Variants in ZNF207 observed in about 807,000 individuals in gnomAD.
ZNF207 encodes the protein BUB3-interacting and GLEBS motif-containing protein ZNF207.
In ZNF207, 24 loss-of-function variants were observed where a neutral mutation model predicts 60.2. The ratio of observed to expected loss-of-function variants is 0.40; its 90% CI spans 0.29 to 0.56. The LOEUF is 0.56. Among genes scored for constraint, ZNF207 ranks in the 20% least tolerant of loss-of-function variants. The pLI, the probability that ZNF207 is intolerant of heterozygous loss-of-function variation, is 0.49. For synonymous variants in ZNF207, 236 were observed against 194.7 expected (o/e 1.21, Z -1.77); for missense variants, 452 against 636.6 (o/e 0.71, Z 3.12).
rs1431664312 is a variant in ZNF207 at position 32,357,338 on chromosome 17, TATTATTA to T, written c.169-1164_169-1158del. On this transcript the variant is annotated intron_variant, in intron 2 of 11. Transcript: ENST00000394670. ...TTATTATTATTATTATTATTATTAT[TATTATTA>T]TTATTATTTTTTTTTTTTTTTGAGA... Among the ~76,000 whole-genome samples the T allele has an allele frequency of 8.9e-4, 84 of 94,678 alleles. 1 individual carries two copies. The highest frequency in any genetic ancestry group is 2.6e-3 in the African/African-American group (64 of 24,212). The allele number at this position is 94,678 out of a possible 152,430, so 62.1% of individuals were successfully genotyped here.
rs1010437181 is a variant in ZNF207, at chr17:32,373,392, C to T, written c.*3633C>T. 16 of 688,454 alleles carry T rather than the reference C, an allele frequency of 2.3e-5. No homozygotes were observed. The highest frequency in any genetic ancestry group is 2.1e-4 in the African/African-American group (12 of 56,380). The allele number at this position is 688,454 out of a possible 1,614,324, so 42.6% of individuals were successfully genotyped here. On this transcript the variant is annotated 3_prime_UTR_variant, in exon 12 of 12. Transcript: ENST00000394670. ...TTTCTAAAATTAAAATTTTCTTCTT[C>T]CTATAGCCCTGCCATAGGACAGGCT...
At position 32,359,675 on chromosome 17, in the gene ZNF207, G is replaced by A. The variant is rs1254917368; in HGVS notation, c.308-923G>A. Among the ~76,000 whole-genome samples the A allele has an allele frequency of 4.6e-5, 7 of 152,258 alleles. No individual in the cohort carries two copies. In the East Asian group the frequency reaches 1.4e-3, roughly 29 times the overall value. ...CCCAGCACTATGGGCAGGCAGTGCA[G>A]GAAAATTGCTTGAGCCCAGAAATTG... On this transcript the variant is annotated intron_variant, in intron 3 of 11. Coordinates refer to ENST00000394670, the MANE Select transcript of ZNF207 (RefSeq NM_001098507.2).
At position 32,372,899 on chromosome 17, in the gene ZNF207, T is replaced by C. The variant is rs1250833462; in HGVS notation, c.*3140T>C. ...AGGCAGGCATTGTGATTGTCATAAT[T>C]AAGGAAGCTGTAAGGTTAGTAGGGC... On this transcript the variant is annotated 3_prime_UTR_variant, in exon 12 of 12. Coordinates refer to ENST00000394670, the MANE Select transcript of ZNF207 (RefSeq NM_001098507.2). 1 of 152,238 alleles carries C rather than the reference T, an allele frequency of 6.6e-6. No homozygotes were observed. The highest frequency in any genetic ancestry group is 1.9e-4 in the East Asian group (1 of 5,204). The allele number at this position is 152,238 out of a possible 1,614,324, so 9.4% of individuals were successfully genotyped here.
At position 32,373,198 on chromosome 17, in the gene ZNF207, CTTAA is replaced by C. The variant is rs3833157; in HGVS notation, c.*3446_*3449del. ...TGAACTTAGACTCACCTTAATTAAA[CTTAA>C]TTAATTGGGGAGGGGGATTCCCCAA... is the stretch of plus-strand genomic sequence containing the variant. On this transcript the variant is annotated 3_prime_UTR_variant, in exon 12 of 12. Transcript: ENST00000394670. The C allele has an allele frequency of 0.14, 63,093 of 438,600 alleles. 5,405 individuals carry two copies. Among genetic ancestry groups the C allele is most frequent in the African/African-American group, 0.28 (14,011 of 50,436 alleles). The allele number at this position is 438,600 out of a possible 1,614,324, so 27.2% of individuals were successfully genotyped here. A position where few individuals can be genotyped will look rare whatever the true frequency, so the allele number is the denominator to read the frequency against.
intron 2 of ZNF207, among the ~76,000 whole-genome samples, chr17:32,357,345 A>ATTTT (rs1232093255): frequency 5.1e-4 from 33 of 64,982 alleles, no homozygotes; most frequent in Non-Finnish European, 6.5e-4. Context: ...TATTATTATT[A>ATTTT]TTATTATTTT....
rs759068099 is a variant in ZNF207 at position 32,369,276 on chromosome 17, C to T, written c.1165-19C>T. On this transcript the variant is annotated intron_variant, in intron 10 of 11. Transcript: ENST00000394670. The stretch of plus-strand genomic sequence containing the variant: ...CTCTGCATTCGAGTATTTAGCCCTG[C>T]GCTTATTTTTATTCCCAGGAAGAGA... The T allele has an allele frequency of 2.2e-5, 36 of 1,612,188 alleles. No homozygotes were observed. The highest frequency in any genetic ancestry group is 3.3e-5 in the Admixed American group (2 of 59,934).
At chr17:32,356,028 A>G (rs1296295776) in intron 2 of ZNF207, among the ~76,000 whole-genome samples, 3 of 152,226 alleles carry the variant, frequency 2.0e-5, no homozygotes, top group Non-Finnish European at 2.9e-5. Context: ...AAACTTAGTA[A>G]CATTATTGTC....
Position 32,357,351 on chromosome 17 carries a change from ATTTTTTTT to A in ZNF207, c.169-1144_169-1137del, listed in dbSNP as rs1164011891. Among the ~76,000 whole-genome samples, 117 of 74,002 alleles carry A rather than the reference ATTTTTTTT, an allele frequency of 1.6e-3. 2 individuals carry two copies. The highest frequency in any genetic ancestry group is 6.1e-3 in the African/African-American group (109 of 17,772). The allele number at this position is 74,002 out of a possible 152,430, so 48.5% of individuals were successfully genotyped here. ...TATTATTATTATTATTATTATTATTATTTTTTTTTTTTTTTGAGACAGAATCTCGCTCT... is the reference window on the plus strand; with the variant it reads ...TATTATTATTATTATTATTATTATTATTTTTTTGAGACAGAATCTCGCTCT... On this transcript the variant is annotated intron_variant, in intron 2 of 11. Transcript: ENST00000394670.
In ZNF207 at chr17:32,380,938, C is replaced by CA. The variant is rs1382412345; in HGVS notation, c.*11180dup. 2.0e-5 allele frequency: 3 copies of CA among 150,588 alleles called. No homozygotes were observed. The highest frequency in any genetic ancestry group is 7.4e-5 in the African/African-American group (3 of 40,784). 9.3% of individuals were successfully genotyped at this position (150,588 alleles called of 1,614,324 possible). ...CGCCGTTGCACTCCAGCTTGGGTGA[C>CA]AGAGCGAGACTCCGTCTCAAAAAAA... On this transcript the variant is annotated 3_prime_UTR_variant, in exon 12 of 12. Coordinates refer to ENST00000394670, the MANE Select transcript of ZNF207 (RefSeq NM_001098507.2).
In ZNF207 at chr17:32,377,049, A is replaced by G. The variant is rs1567832973; in HGVS notation, c.*7290A>G. The G allele has an allele frequency of 2.6e-5, 4 of 152,190 alleles. No individual in the cohort carries two copies. The South Asian group carries it at 8.3e-4, about 32-fold the overall frequency. The allele number at this position is 152,190 out of a possible 1,614,324, so 9.4% of individuals were successfully genotyped here. A position where few individuals can be genotyped will look rare whatever the true frequency, so the allele number is the denominator to read the frequency against. ...TTAAGTCTGAGGAACTAACAGTGAA[A>G]TTCATTGATGGCCAACTTGGATAAA... On this transcript the variant is annotated 3_prime_UTR_variant, in exon 12 of 12. Coordinates refer to ENST00000394670, the MANE Select transcript of ZNF207 (RefSeq NM_001098507.2).
chr17:32,367,253 A>G (rs866992120), intron 9 of ZNF207, among the ~76,000 whole-genome samples: 4 of 91,474 alleles, frequency 4.4e-5, no homozygotes, highest in Admixed American at 1.1e-4. Flanking sequence ...ATATATATAT[A>G]TATATATATA....
Position 32,373,396 on chromosome 17 carries a change from T to G in ZNF207, c.*3637T>G, listed in dbSNP as rs1463116189. ...TAAAATTAAAATTTTCTTCTTCCTA[T>G]AGCCCTGCCATAGGACAGGCTGAGG... On this transcript the variant is annotated 3_prime_UTR_variant, in exon 12 of 12. Transcript: ENST00000394670. The G allele has an allele frequency of 8.7e-6, 6 of 691,696 alleles. No individual in the cohort carries two copies. The highest frequency in any genetic ancestry group is 1.6e-5 in the Non-Finnish European group (6 of 380,176). The allele number at this position is 691,696 out of a possible 1,614,324, so 42.8% of individuals were successfully genotyped here. A position where few individuals can be genotyped will look rare whatever the true frequency, so the allele number is the denominator to read the frequency against.
At chr17:32,351,994 T>A in intron 2 of ZNF207, 82 bp downstream of exon 2, 2 of 1,399,110 alleles carry the variant, frequency 1.4e-6, no homozygotes, top group Non-Finnish European at 1.9e-6. Flanking sequence ...TTTTTTTGAG[T>A]TTCGGTCTTG....
chr17:32,375,209 C>T lies in ZNF207; in HGVS notation c.*5450C>T, dbSNP rs1476615316. 6.6e-6 allele frequency: 1 copy of T among 152,090 alleles called. No homozygotes were observed. Among genetic ancestry groups the T allele is most frequent in the Non-Finnish European group, 1.5e-5 (1 of 67,980 alleles). 9.4% of individuals were successfully genotyped at this position (152,090 alleles called of 1,614,324 possible). A position where few individuals can be genotyped will look rare whatever the true frequency, so the allele number is the denominator to read the frequency against. ...TTAAATAACATGTTTTTCACTATAA[C>T]TAATAGGATTTTAATATTTAAAGAA... On this transcript the variant is annotated 3_prime_UTR_variant, in exon 12 of 12. Coordinates refer to ENST00000394670, the MANE Select transcript of ZNF207 (RefSeq NM_001098507.2).
chr17:32,362,883 T>G, intron 6 of ZNF207, 31 bp from the exon 7 acceptor site: 1 of 1,601,408 alleles, frequency 6.2e-7, no homozygotes, highest in Non-Finnish European at 8.5e-7. Context: ...GTTCATTAAC[T>G]TACTGTTTCT....
chr17:32,363,877 C>CA (rs1454792666), intron 7 of ZNF207, among the ~76,000 whole-genome samples: 1 of 151,932 alleles, frequency 6.6e-6, no homozygotes, highest in Non-Finnish European at 1.5e-5. Flanking sequence ...TCTCAGTCAA[C>CA]AAAAAAGTGG....
intron 8 of ZNF207, 51 bp downstream of exon 8, chr17:32,365,538 C>G: frequency 6.5e-7 from 1 of 1,540,510 alleles, no homozygotes; most frequent in Non-Finnish European, 8.7e-7. Context: ...AGATAAAGTA[C>G]AGTTGTTTAC....
At chr17:32,361,079 T>C (rs917720029) in intron 5 of ZNF207, 112 bp downstream of exon 5, 33 of 1,101,414 alleles carry the variant, frequency 3.0e-5, no homozygotes, top group Non-Finnish European at 4.1e-5. Context: ...CTAGAAGGTA[T>C]GGGCTCTATA....
rs759259315 is a variant in ZNF207, at chr17:32,374,531, T to G, written c.*4772T>G. On this transcript the variant is annotated 3_prime_UTR_variant, in exon 12 of 12. Coordinates refer to ENST00000394670, the MANE Select transcript of ZNF207 (RefSeq NM_001098507.2). ...CGCGCTTGGCCAAAATCTGCATTCT[T>G]AATCACAAACTTACGCATTGAATGT... is the stretch of plus-strand genomic sequence containing the variant. 5.3e-5 allele frequency: 8 copies of G among 152,222 alleles called. No homozygotes were observed. The highest frequency in any genetic ancestry group is 1.0e-4 in the Non-Finnish European group (7 of 68,050). The allele number at this position is 152,222 out of a possible 1,614,324, so 9.4% of individuals were successfully genotyped here. A position where few individuals can be genotyped will look rare whatever the true frequency, so the allele number is the denominator to read the frequency against.
Sources: gnomAD v4.1 joint callset for allele counts (sites outside exome capture counted in the v4.1 genomes callset) on GRCh38, gnomAD v4.1.1 for gene constraint, MANE v1.5 for transcripts, NCBI Gene and HGNC (gene_info 2026-07-23, HGNC 2026-07-21) for gene names.